The following CHSY3 variants were observed in gnomAD, a reference collection of about 807,000 sequenced individuals.
CHSY3 encodes the protein chondroitin sulfate synthase 3.
CHSY3 carries 35 observed loss-of-function variants against 67.2 expected under a neutral mutation model. That is an observed-to-expected ratio of 0.52 (90% CI 0.40 to 0.69). The LOEUF is 0.69. Ranked by LOEUF, CHSY3 falls within the 30% of genes least tolerant of loss-of-function variation. The probability of loss-of-function intolerance (pLI) is 0.00; values close to 1 mark genes in which losing one functional copy is unlikely to be tolerated. For missense variants in CHSY3, 1,069 were observed against 1,138.5 expected (o/e 0.94, Z 0.88); for synonymous variants, 474 against 434.7 (o/e 1.09, Z -1.12).
intron 2 of CHSY3, among the ~76,000 whole-genome samples, chr5:130,029,945 G>C (rs1438346447): frequency 1.3e-5 from 2 of 152,130 alleles, no homozygotes; most frequent in African/African-American, 2.4e-5. Context: ...AATGTAAGAA[G>C]TAGTGGATTA....
intron 2 of CHSY3, among the ~76,000 whole-genome samples, chr5:130,048,960 T>C (rs1459072351): frequency 6.6e-6 from 1 of 151,874 alleles, no homozygotes; most frequent in East Asian, 1.9e-4. Context: ...TCAAAATTGC[T>C]AAGAGAGTAA....
intron 2 of CHSY3, among the ~76,000 whole-genome samples, chr5:130,032,627 G>T (rs865953991): frequency 7.9e-5 from 12 of 152,006 alleles, no homozygotes; most frequent in African/African-American, 1.9e-4. Flanking sequence ...CTCACTTCAG[G>T]TTAAGAGAGA....
intron 2 of CHSY3, among the ~76,000 whole-genome samples, chr5:130,034,802 G>T (rs928605462): frequency 1.3e-5 from 2 of 152,050 alleles, no homozygotes; most frequent in African/African-American, 4.8e-5. Context: ...AATGACACTT[G>T]AATAAAAACC....
intron 2 of CHSY3, among the ~76,000 whole-genome samples, chr5:129,998,715 T>G (rs1420423223): frequency 6.6e-6 from 1 of 152,268 alleles, no homozygotes; most frequent in East Asian, 1.9e-4. Context: ...GTAAAAGGCT[T>G]AAGATCTTTC....
chr5:130,128,912 A>G lies in CHSY3; in HGVS notation c.1087-55317A>G, dbSNP rs894036496. On this transcript the variant is annotated intron_variant, in intron 2 of 2. Transcript: ENST00000305031. Reference sequence around the variant, plus strand: ...TCAAAGTAAGATCATGGGCATGTGTATGTTGACAAAAATGTGAGGTTTTTT... The same window carrying G: ...TCAAAGTAAGATCATGGGCATGTGTGTGTTGACAAAAATGTGAGGTTTTTT... Among the ~76,000 whole-genome samples the G allele has an allele frequency of 2.6e-5, 4 of 151,814 alleles. No homozygotes were observed. The East Asian group carries it at 5.9e-4, about 22-fold the overall frequency.
intron 2 of CHSY3, among the ~76,000 whole-genome samples, chr5:129,922,385 AT>A (rs1760954268): frequency 6.6e-6 from 1 of 152,194 alleles, no homozygotes; most frequent in South Asian, 2.1e-4. Context: ...TGGTAGTTCT[AT>A]TTTTATTTTG....
At chr5:129,920,311 T>A (rs1463699724) in intron 2 of CHSY3, among the ~76,000 whole-genome samples, 1 of 152,220 alleles carries the variant, frequency 6.6e-6, no homozygotes, top group African/African-American at 2.4e-5. Context: ...TGGTGCACGA[T>A]CTTGGCTTAC....
chr5:130,120,486 GAAAAAAAAAA>G (rs34727574), intron 2 of CHSY3, among the ~76,000 whole-genome samples: 7 of 95,836 alleles, frequency 7.3e-5, no homozygotes, highest in Admixed American at 4.6e-4. Context: ...ATTTCTGAAA[GAAAAAAAAAA>G]AAAAAAAAAA....
chr5:129,961,799 T>C (rs1003674739), intron 2 of CHSY3, among the ~76,000 whole-genome samples: 5 of 152,004 alleles, frequency 3.3e-5, no homozygotes, highest in African/African-American at 9.7e-5. Flanking sequence ...CTGTACTTTT[T>C]TCCCTCTAGT....
rs1247909085 is a variant in CHSY3, at chr5:130,153,748, CA to C, written c.1087-30478del. Among the ~76,000 whole-genome samples, 5 of 152,250 alleles carry C rather than the reference CA, an allele frequency of 3.3e-5. No individual in the cohort carries two copies. In the East Asian group the frequency reaches 9.6e-4, roughly 29 times the overall value. On this transcript the variant is annotated intron_variant, in intron 2 of 2. Transcript: ENST00000305031. Reference sequence around the variant, plus strand: ...TCAAAATGCTAGAGTTTAGAGTTTGCAAACTATTGGTTCTTGGCAAGCTCTT... The same window carrying C: ...TCAAAATGCTAGAGTTTAGAGTTTGCAACTATTGGTTCTTGGCAAGCTCTT...
chr5:129,955,848 T>C (rs1762155634), intron 2 of CHSY3, among the ~76,000 whole-genome samples: 1 of 152,188 alleles, frequency 6.6e-6, no homozygotes, highest in African/African-American at 2.4e-5. Flanking sequence ...GCTCCATCCA[T>C]GTTCCTGCAA....
intron 2 of CHSY3, among the ~76,000 whole-genome samples, chr5:129,974,008 C>G (rs184734229): frequency 6.6e-5 from 10 of 152,176 alleles, no homozygotes; most frequent in African/African-American, 2.2e-4. Context: ...AGTCTCTTGT[C>G]TCCCCTGCAT....
intron 2 of CHSY3, among the ~76,000 whole-genome samples, chr5:130,054,643 C>A (rs1459674994): frequency 6.6e-6 from 1 of 152,158 alleles, no homozygotes; most frequent in East Asian, 1.9e-4. Context: ...CACAGGGTTT[C>A]ATGGGAATTA....
At chr5:130,043,869 A>G (rs926030070) in intron 2 of CHSY3, among the ~76,000 whole-genome samples, 3 of 152,126 alleles carry the variant, frequency 2.0e-5, no homozygotes, top group African/African-American at 7.2e-5. Flanking sequence ...TTAGTTCTAG[A>G]TTCCAGATCA....
intron 2 of CHSY3, among the ~76,000 whole-genome samples, chr5:130,019,665 C>G (rs1764310957): frequency 6.6e-6 from 1 of 152,206 alleles, no homozygotes; most frequent in Admixed American, 6.5e-5. Flanking sequence ...GGTAGAATGT[C>G]TCTTAGTTTT....
chr5:130,002,016 T>C, intron 2 of CHSY3: 1 of 876,882 alleles, frequency 1.1e-6, no homozygotes, highest in Non-Finnish European at 1.4e-6. Flanking sequence ...ACTCTCTAAG[T>C]CCTTTTTCTG....
chr5:130,157,863 G>A (rs1250358872), intron 2 of CHSY3, among the ~76,000 whole-genome samples: 1 of 152,186 alleles, frequency 6.6e-6, no homozygotes, highest in East Asian at 1.9e-4. Flanking sequence ...AAAGGGGTGG[G>A]AAATTCCCAG....
At chr5:130,089,923 T>C (rs1043974729) in intron 2 of CHSY3, among the ~76,000 whole-genome samples, 1 of 152,186 alleles carries the variant, frequency 6.6e-6, no homozygotes, top group African/African-American at 2.4e-5. Context: ...ATCCAATATT[T>C]ACACTTCAGT....
In CHSY3 at chr5:130,185,033, T is replaced by C. The variant is rs774534047; in HGVS notation, c.1891T>C (p.Tyr631His). 3.1e-6 allele frequency: 5 copies of C among 1,588,442 alleles called. No homozygotes were observed. Among genetic ancestry groups the C allele is most frequent in the Non-Finnish European group, 4.3e-6 (5 of 1,156,716 alleles). The change falls in exon 3 of 3, where the codon TAT (tyrosine) becomes CAT (histidine). Residue 631 changes from tyrosine (Y) to histidine (H), a missense_variant. Tyr to His is a moderately conservative substitution (Grantham distance 83, BLOSUM62 2). Coordinates refer to ENST00000305031, the MANE Select transcript of CHSY3 (RefSeq NM_175856.5). ...VHILVPLIGR[Y>H]DIFLRFMENF... ...CATTCTCGTTCCTCTCATCGGAAGG[T>C]ATGACATTTTCTTGAGATTCATGGA...
Sources: gnomAD v4.1 joint callset for allele counts (sites outside exome capture counted in the v4.1 genomes callset) on GRCh38, gnomAD v4.1.1 for gene constraint, MANE v1.5 for transcripts, NCBI Gene and HGNC (gene_info 2026-07-23, HGNC 2026-07-21) for gene names.